TNR: variants seen among roughly 807,000 people sequenced by gnomAD.
TNR encodes tenascin-R.
TNR carries 45 observed loss-of-function variants against 150.4 expected under a neutral mutation model. The ratio of observed to expected loss-of-function variants is 0.30; its 90% CI spans 0.24 to 0.38. TNR has a LOEUF of 0.38. Among genes scored for constraint, TNR ranks in the 10% least tolerant of loss-of-function variants. The probability of loss-of-function intolerance (pLI) is 1.00; values close to 1 mark genes in which losing one functional copy is unlikely to be tolerated. For missense variants in TNR, 1,544 were observed against 1,759.1 expected, an observed-to-expected ratio of 0.88 and a Z score of 2.19; for synonymous variants, 687 against 678.4, an observed-to-expected ratio of 1.01 and a Z score of -0.20.
At chr1:175,532,502 G>A (rs1660111366) in intron 1 of TNR, among the ~76,000 whole-genome samples, 1 of 152,180 alleles carries the variant, frequency 6.6e-6, no homozygotes, top group African/African-American at 2.4e-5. Context: ...CTGACCCACT[G>A]GTATTGGCAA....
intron 1 of TNR, among the ~76,000 whole-genome samples, chr1:175,657,488 C>T (rs968103832): frequency 1.5e-4 from 23 of 152,168 alleles, no homozygotes; most frequent in African/African-American, 5.1e-4. Context: ...TATTGTGGCA[C>T]TATTCACAAT....
At chr1:175,638,415 G>A (rs1324282377) in intron 1 of TNR, among the ~76,000 whole-genome samples, 1 of 152,186 alleles carries the variant, frequency 6.6e-6, no homozygotes. Context: ...ATGGATTAGG[G>A]CCCCAAAACC....
At chr1:175,688,870 G>T (rs1287450321) in intron 1 of TNR, among the ~76,000 whole-genome samples, 1 of 152,186 alleles carries the variant, frequency 6.6e-6, no homozygotes, top group Non-Finnish European at 1.5e-5. Flanking sequence ...CAAGGCCAAG[G>T]CCATGTCTTT....
chr1:175,563,223 G>A (rs986664835), intron 1 of TNR, among the ~76,000 whole-genome samples: 1 of 152,134 alleles, frequency 6.6e-6, no homozygotes, highest in African/African-American at 2.4e-5. Flanking sequence ...TTTTAGATTG[G>A]CCACACCAGG....
rs185903269 is a variant in TNR at position 175,526,948 on chromosome 1, C to T, written c.-64+1321G>A. Among the ~76,000 whole-genome samples the T allele has an allele frequency of 4.6e-5, 7 of 152,302 alleles. No individual in the cohort carries two copies. The East Asian group carries it at 5.8e-4, about 13-fold the overall frequency. ...TTCAGACACATGTGACAGGCTTGGC[C>T]GGGAAAGATGGACTGCCCTCTGTGC... On this transcript the variant is annotated intron_variant, in intron 2 of 22. Transcript: ENST00000367674.
chr1:175,486,233 T>C (rs767212131), intron 2 of TNR, among the ~76,000 whole-genome samples: 4 of 151,928 alleles, frequency 2.6e-5, no homozygotes, highest in Non-Finnish European at 5.9e-5. Flanking sequence ...CATCAACCCA[T>C]CATCTAAATT....
chr1:175,725,486 T>A (rs796989994), intron 1 of TNR, among the ~76,000 whole-genome samples: 2 of 152,158 alleles, frequency 1.3e-5, no homozygotes, highest in Non-Finnish European at 2.9e-5. Context: ...ATGACAAATG[T>A]TCACAAAACA....
intron 15 of TNR, 57 bp downstream of exon 15, chr1:175,359,555 G>A (rs1651494309): frequency 4.3e-6 from 7 of 1,611,644 alleles, no homozygotes; most frequent in Non-Finnish European, 5.9e-6. Context: ...ATACTGGTCT[G>A]CAGCTCCAAT....
chr1:175,653,641 T>C (rs1345346198), intron 1 of TNR, among the ~76,000 whole-genome samples: 5 of 152,000 alleles, frequency 3.3e-5, no homozygotes, highest in African/African-American at 1.2e-4. Context: ...CAACTTTCTG[T>C]ATCTTGAGTT....
chr1:175,555,175 G>A (rs1661102576), intron 1 of TNR, among the ~76,000 whole-genome samples: 1 of 152,274 alleles, frequency 6.6e-6, no homozygotes, highest in East Asian at 1.9e-4. Context: ...CTGGCCCAGA[G>A]GAGATATTCC....
At chr1:175,405,065 C>T (rs554328623) in intron 3 of TNR, among the ~76,000 whole-genome samples, 57 of 152,274 alleles carry the variant, frequency 3.7e-4, no homozygotes, top group Non-Finnish European at 7.4e-4. Flanking sequence ...CTTTCATCCC[C>T]GTGAAAGCCT....
At chr1:175,557,181 C>A (rs1348267843) in intron 1 of TNR, among the ~76,000 whole-genome samples, 1 of 152,186 alleles carries the variant, frequency 6.6e-6, no homozygotes, top group Admixed American at 6.5e-5. Flanking sequence ...GGAAGCAGAC[C>A]TTTCTCCAAT....
intron 1 of TNR, among the ~76,000 whole-genome samples, chr1:175,591,550 A>G (rs1267534604): frequency 1.3e-5 from 2 of 152,162 alleles, no homozygotes; most frequent in African/African-American, 4.8e-5. Flanking sequence ...CTGAGAAGGG[A>G]AGGGAAGAGG....
intron 2 of TNR, among the ~76,000 whole-genome samples, chr1:175,453,102 G>A (rs991791904): frequency 7.9e-5 from 12 of 152,096 alleles, no homozygotes; most frequent in Non-Finnish European, 1.5e-4. Context: ...TGTTAAAATG[G>A]TATCTATTTT....
At chr1:175,453,170 G>C (rs924684746) in intron 2 of TNR, among the ~76,000 whole-genome samples, 1 of 152,166 alleles carries the variant, frequency 6.6e-6, no homozygotes, top group Admixed American at 6.5e-5. Flanking sequence ...CCTGCCTTCT[G>C]TGTGGAGAAT....
chr1:175,680,757 T>A (rs1283023466), intron 1 of TNR, among the ~76,000 whole-genome samples: 4 of 152,166 alleles, frequency 2.6e-5, no homozygotes, highest in Admixed American at 2.0e-4. Context: ...TATGAGCACG[T>A]GGGGTCTGAG....
chr1:175,680,023 G>C (rs754791225), intron 1 of TNR, among the ~76,000 whole-genome samples: 1 of 152,192 alleles, frequency 6.6e-6, no homozygotes, highest in African/African-American at 2.4e-5. Context: ...GCCTGGCCTT[G>C]GCTTTGAGAG....
chr1:175,515,317 G>T (rs1387506415), intron 2 of TNR, among the ~76,000 whole-genome samples: 1 of 152,198 alleles, frequency 6.6e-6, no homozygotes, highest in Non-Finnish European at 1.5e-5. Flanking sequence ...AGAAAGATCT[G>T]TGCTCCCGCA....
intron 1 of TNR, among the ~76,000 whole-genome samples, chr1:175,554,897 T>G (rs1661089833): frequency 6.6e-6 from 1 of 152,216 alleles, no homozygotes; most frequent in Non-Finnish European, 1.5e-5. Flanking sequence ...ATTTTATGAA[T>G]GGAAAATCTG....
Sources: gnomAD v4.1 joint callset for allele counts (sites outside exome capture counted in the v4.1 genomes callset) on GRCh38, gnomAD v4.1.1 for gene constraint, MANE v1.5 for transcripts, NCBI Gene and HGNC (gene_info 2026-07-23, HGNC 2026-07-21) for gene names.